The following OR51B5 variants were observed in gnomAD, a reference collection of about 807,000 sequenced individuals.
OR51B5 encodes the protein olfactory receptor family 51 subfamily B member 5, also known as olfactory receptor 51B5.
For missense variants in OR51B5, 456 were observed against 374.6 expected, an observed-to-expected ratio of 1.22 and a Z score of -1.79; for synonymous variants, 186 against 144.8, an observed-to-expected ratio of 1.28 and a Z score of -2.04.
chr11:5,409,507 CTA>C (rs1850110894), intron 1 of OR51B5, among the ~76,000 whole-genome samples: 1 of 53,194 alleles, frequency 1.9e-5, no homozygotes, highest in South Asian at 9.8e-4. Flanking sequence ...AATTCTAGAA[CTA>C]AAAAAAAATC....
intron 1 of OR51B5, chr11:5,422,588 T>C: frequency 6.2e-7 from 1 of 1,614,190 alleles, no homozygotes; most frequent in South Asian, 1.1e-5. Flanking sequence ...GGCCATCTGC[T>C]GTCCCCTCCA....
chr11:5,361,922 A>G (rs1849291796), intron 1 of OR51B5, among the ~76,000 whole-genome samples: 1 of 152,114 alleles, frequency 6.6e-6, no homozygotes, highest in African/African-American at 2.4e-5. Flanking sequence ...ACTCCCAAAA[A>G]AGATGAAGTT....
intron 1 of OR51B5, among the ~76,000 whole-genome samples, chr11:5,361,129 TTAAAGTATAA>T (rs1448192419): frequency 7.0e-6 from 1 of 143,096 alleles, no homozygotes; most frequent in African/African-American, 2.6e-5. Context: ...ACCCTAAAAC[TTAAAGTATAA>T]TAATAAAAGA....
chr11:5,475,514 T>C lies in OR51B5; in HGVS notation n.84+30055A>G, dbSNP rs79458783. ...AACTCTTGGTGGATATTAAATATTA[T>C]TTAAATATTACTGCCTTATGGATCC... On this transcript the variant is annotated intron_variant and non_coding_transcript_variant, in intron 1 of 4. Coordinates refer to the OR51B5 transcript ENST00000415970. Among the ~76,000 whole-genome samples, 683 of 152,310 alleles carry C rather than the reference T, an allele frequency of 4.5e-3. 4 individuals carry two copies. The highest frequency in any genetic ancestry group is 0.015 in the African/African-American group (617 of 41,548).
At chr11:5,415,453 C>G (rs547191267) in intron 1 of OR51B5, among the ~76,000 whole-genome samples, 2 of 151,048 alleles carry the variant, frequency 1.3e-5, no homozygotes, top group South Asian at 4.2e-4. Flanking sequence ...AATAGAGACA[C>G]AAAAAACCCT....
At chr11:5,347,831 T>C (rs1849016127), upstream of OR51B5, among the ~76,000 whole-genome samples, 1 of 152,008 alleles carries the variant, frequency 6.6e-6, no homozygotes, top group Non-Finnish European at 1.5e-5. Context: ...AATAATTATC[T>C]AAATCAGGAA....
chr11:5,444,014 A>G (rs1466311630), intron 1 of OR51B5, among the ~76,000 whole-genome samples: 1 of 152,142 alleles, frequency 6.6e-6, no homozygotes, highest in Non-Finnish European at 1.5e-5. Flanking sequence ...AAATACTATC[A>G]TGCAACAACT....
intron 1 of OR51B5, among the ~76,000 whole-genome samples, chr11:5,399,358 T>C (rs1415714860): frequency 6.6e-6 from 1 of 152,188 alleles, no homozygotes; most frequent in Non-Finnish European, 1.5e-5. Flanking sequence ...GAAAGAGATA[T>C]AGAGTGGAGA....
At position 5,497,989 on chromosome 11, in the gene OR51B5, T is replaced by C. The variant is rs886407611; in HGVS notation, n.84+7580A>G. Among the ~76,000 whole-genome samples, 8 of 152,310 alleles carry C rather than the reference T, an allele frequency of 5.3e-5. No individual in the cohort carries two copies. The South Asian group carries it at 1.2e-3, about 24-fold the overall frequency. ...GTTACCTACTGGACTCTCCAGGAAA[T>C]AGGGGCTCTTACAAACTCTTAGCAT... On this transcript the variant is annotated intron_variant and non_coding_transcript_variant, in intron 1 of 4. Transcript: ENST00000415970.
chr11:5,457,692 G>GTTTTCAT (rs1222323291), intron 1 of OR51B5, among the ~76,000 whole-genome samples: 1 of 152,056 alleles, frequency 6.6e-6, no homozygotes, highest in African/African-American at 2.4e-5. Context: ...TCTCATTGAG[G>GTTTTCAT]TTTTCATTTG....
intron 1 of OR51B5, among the ~76,000 whole-genome samples, chr11:5,494,963 T>C (rs1199644963): frequency 6.6e-6 from 1 of 152,182 alleles, no homozygotes; most frequent in Non-Finnish European, 1.5e-5. Context: ...AACATACCAC[T>C]GGAGAAAGTA....
intron 1 of OR51B5, among the ~76,000 whole-genome samples, chr11:5,370,474 G>A (rs1849430904): frequency 6.6e-6 from 1 of 152,082 alleles, no homozygotes; most frequent in South Asian, 2.1e-4. Context: ...CAATTTGAGG[G>A]CAATAATTTA....
At chr11:5,345,380 A>C (rs74849386), upstream of OR51B5, among the ~76,000 whole-genome samples, 54 of 152,204 alleles carry the variant, frequency 3.5e-4, 1 homozygote, top group East Asian at 8.5e-3. Flanking sequence ...AAAGAGAAAA[A>C]TAGAAAAACT....
At chr11:5,377,166 C>A (rs1328386989) in intron 1 of OR51B5, among the ~76,000 whole-genome samples, 1 of 152,036 alleles carries the variant, frequency 6.6e-6, no homozygotes, top group Non-Finnish European at 1.5e-5. Flanking sequence ...ATATGCAAAT[C>A]AATAAATGTA....
At chr11:5,464,644 C>T (rs1341585799) in intron 1 of OR51B5, among the ~76,000 whole-genome samples, 10 of 151,948 alleles carry the variant, frequency 6.6e-5, no homozygotes, top group Non-Finnish European at 1.3e-4. Flanking sequence ...GCATAGTATT[C>T]CATGGTGTAT....
chr11:5,484,385 G>C (rs1000683769), intron 1 of OR51B5, among the ~76,000 whole-genome samples: 1 of 152,146 alleles, frequency 6.6e-6, no homozygotes, highest in Non-Finnish European at 1.5e-5. Flanking sequence ...TCACAGAGTA[G>C]CAGTTACCTT....
At chr11:5,444,940 T>G (rs778064958) in intron 1 of OR51B5, among the ~76,000 whole-genome samples, 2 of 152,152 alleles carry the variant, frequency 1.3e-5, no homozygotes, top group Non-Finnish European at 2.9e-5. Context: ...GAAACATAAA[T>G]AGCCATAGCT....
chr11:5,351,717 A>C (rs774505405), intron 1 of OR51B5: 1 of 1,614,012 alleles, frequency 6.2e-7, no homozygotes, highest in Non-Finnish European at 8.5e-7. Flanking sequence ...CAGACCTCGG[A>C]GTGACATTGA....
chr11:5,378,345 A>C (rs1385984658), intron 1 of OR51B5, among the ~76,000 whole-genome samples: 2 of 152,062 alleles, frequency 1.3e-5, no homozygotes, highest in Non-Finnish European at 2.9e-5. Context: ...TTAGACCTAA[A>C]ACCATAAAAA....
Sources: allele counts gnomAD v4.1 joint callset (sites outside exome capture counted in the v4.1 genomes callset), GRCh38; gene constraint gnomAD v4.1.1; transcripts MANE v1.5; gene names NCBI Gene and HGNC (gene_info 2026-07-23, HGNC 2026-07-21).